SYK: variants seen among roughly 807,000 people sequenced by gnomAD.
SYK encodes tyrosine-protein kinase SYK.
SYK carries 16 observed loss-of-function variants against 77.8 expected under a neutral mutation model. The ratio of observed to expected loss-of-function variants is 0.21; its 90% confidence interval spans 0.14 to 0.31. The LOEUF is 0.31. SYK is among the 10% of genes least tolerant of loss of function. The pLI, the probability that SYK is intolerant of heterozygous loss-of-function variation, is 1.00. For missense variants in SYK, 529 were observed against 814.4 expected, an observed-to-expected ratio of 0.65 and a Z score of 4.26; for synonymous variants, 312 against 308.7, an observed-to-expected ratio of 1.01 and a Z score of -0.11.
chr9:90,885,857 G>A (rs1006457337), intron 11 of SYK, among the ~76,000 whole-genome samples: 1 of 152,154 alleles, frequency 6.6e-6, no homozygotes, highest in South Asian at 2.1e-4. Context: ...CACCTTACAG[G>A]CCAGGAGAGA....
chr9:90,884,604 CAT>C (rs1397690176), intron 11 of SYK, among the ~76,000 whole-genome samples: 1 of 59,076 alleles, frequency 1.7e-5, no homozygotes, highest in Non-Finnish European at 3.1e-5. Flanking sequence ...TGTACATGTA[CAT>C]ATATACACAT....
rs144168552 is a variant in SYK at position 90,874,677 on chromosome 9, C to A, written c.1009C>A (p.Gln337Lys). The A allele has an allele frequency of 1.6e-5, 26 of 1,612,666 alleles. No individual in the cohort carries two copies. The highest frequency in any genetic ancestry group is 2.1e-5 in the Non-Finnish European group (25 of 1,179,246). The change falls in exon 9 of 14, where the codon CAG (glutamine) becomes AAG (lysine). Residue 337 changes from glutamine to lysine, a missense_variant. Around this residue, in one of 2 missense-constraint regions of SYK, gnomAD observed 321 missense variants for 433.1 expected, o/e 0.74. Coordinates refer to ENST00000375754, the MANE Select transcript of SYK (RefSeq NM_003177.7). ...GTTTCTTGACTGCATTGCAGGCCCC[C>A]AGAGAGAAGCCCTACCCATGGACAC... The part of the protein sequence containing the change: ...LAPWAADKGP[Q>K]REALPMDTEV...
At chr9:90,864,863 G>T (rs931645525) in intron 5 of SYK, among the ~76,000 whole-genome samples, 185 bp from the exon 6 acceptor site, 1 of 152,178 alleles carries the variant, frequency 6.6e-6, no homozygotes, top group Non-Finnish European at 1.5e-5. Context: ...TAAAAAAATT[G>T]TAATTTATTT....
intron 1 of SYK, among the ~76,000 whole-genome samples, chr9:90,841,162 G>A (rs1264724371): frequency 6.7e-6 from 1 of 150,362 alleles, no homozygotes; most frequent in Admixed American, 6.6e-5. Context: ...GATGTGGTGT[G>A]GTTTGTGTGT....
intron 1 of SYK, among the ~76,000 whole-genome samples, chr9:90,842,522 G>A (rs976843008): frequency 6.6e-6 from 1 of 151,240 alleles, no homozygotes; most frequent in African/African-American, 2.4e-5. Flanking sequence ...TGTGTGTGAT[G>A]TGTGTTGTGT....
chr9:90,806,864 C>T (rs192454517), intron 1 of SYK, among the ~76,000 whole-genome samples: 1 of 152,066 alleles, frequency 6.6e-6, no homozygotes, highest in East Asian at 1.9e-4. Flanking sequence ...ATATACGACA[C>T]CAACATTTTA....
In SYK at chr9:90,834,861, C is replaced by T. The variant is rs1389935383; in HGVS notation, c.-41-8997C>T. ...CCCAGGGAAGCCAAAAGATTGGACA[C>T]CCCTGGGCTAGAGCAATAAAATGGG... On this transcript the variant is annotated intron_variant, in intron 1 of 13. Transcript: ENST00000375754. 2.0e-5 allele frequency among the ~76,000 whole-genome samples: 3 copies of T among 152,186 alleles called. No individual in the cohort carries two copies. In the South Asian group the frequency reaches 6.2e-4, roughly 32 times the overall value.
At chr9:90,845,746 C>T (rs1826568751) in intron 3 of SYK, 152 bp downstream of exon 3, 2 of 858,366 alleles carry the variant, frequency 2.3e-6, no homozygotes, top group Admixed American at 3.3e-5. Flanking sequence ...GTTCTAAAGA[C>T]ATTTCTAACC....
chr9:90,890,737 G>A (rs1423331377), intron 13 of SYK, among the ~76,000 whole-genome samples: 1 of 152,242 alleles, frequency 6.6e-6, no homozygotes, highest in African/African-American at 2.4e-5. Flanking sequence ...GAAGGTTACA[G>A]TGTTTCTAGT....
At chr9:90,836,327 T>C (rs1356534097) in intron 1 of SYK, among the ~76,000 whole-genome samples, 1 of 151,976 alleles carries the variant, frequency 6.6e-6, no homozygotes, top group Non-Finnish European at 1.5e-5. Context: ...TAAGTGTATA[T>C]TGAATGCACA....
rs939671939 is a variant in SYK at position 90,895,387 on chromosome 9, G to C, written c.1836-141G>C. ...GGTCACCCTGGGGTGGGGGGCACAG[G>C]GACCACGCTGTGAGCTGCAGGCCCT... On this transcript the variant is annotated intron_variant, in intron 13 of 13. Transcript: ENST00000375754. This position sits in a 1 kb window ranked among gnomAD's most constrained non-coding sequence, Gnocchi z 4.4. 19 of 803,712 alleles carry C rather than the reference G, an allele frequency of 2.4e-5. No homozygotes were observed. The highest frequency in any genetic ancestry group is 3.4e-5 in the African/African-American group (2 of 59,498). The allele number at this position is 803,712 out of a possible 1,614,324, so 49.8% of individuals were successfully genotyped here.
chr9:90,850,770 T>TAAAAA (rs556936977), intron 3 of SYK, among the ~76,000 whole-genome samples: 1 of 129,426 alleles, frequency 7.7e-6, no homozygotes, highest in African/African-American at 2.8e-5. Context: ...GACTAAAAGG[T>TAAAAA]AAAAAAAAAA....
chr9:90,879,336 C>T (rs1018805950), intron 11 of SYK, among the ~76,000 whole-genome samples: 22 of 152,200 alleles, frequency 1.4e-4, no homozygotes, highest in Non-Finnish European at 5.9e-5. Flanking sequence ...CATTACGAAT[C>T]TCAGTAGAGG....
chr9:90,830,140 G>A (rs765098744), intron 1 of SYK, among the ~76,000 whole-genome samples: 4 of 152,240 alleles, frequency 2.6e-5, no homozygotes, highest in Non-Finnish European at 5.9e-5. Flanking sequence ...AGTCCCCCAT[G>A]TATGCCTGCA....
chr9:90,815,377 G>A (rs185262477), intron 1 of SYK, among the ~76,000 whole-genome samples: 4 of 152,346 alleles, frequency 2.6e-5, no homozygotes, highest in South Asian at 2.1e-4. Context: ...CTGGCCCCTC[G>A]GCTCCAACCT....
intron 1 of SYK, among the ~76,000 whole-genome samples, chr9:90,840,184 G>A (rs550583469): frequency 5.0e-4 from 76 of 152,144 alleles, no homozygotes; most frequent in Non-Finnish European, 8.4e-4. Flanking sequence ...CTGGGACACC[G>A]CCTGGGCAGG....
At chr9:90,873,493 T>TCC (rs202140865) in intron 7 of SYK, among the ~76,000 whole-genome samples, 2 of 151,604 alleles carry the variant, frequency 1.3e-5, no homozygotes, top group African/African-American at 4.9e-5. Context: ...TGAGTAGATT[T>TCC]CCCCCCCCAG....
rs1320367291 is a variant in SYK at position 90,887,903 on chromosome 9, G to A, written c.1722+14G>A. The A allele has an allele frequency of 1.3e-6, 2 of 1,566,188 alleles. No individual in the cohort carries two copies. Among genetic ancestry groups the A allele is most frequent in the African/African-American group, 1.4e-5 (1 of 72,900 alleles). Reference sequence around the variant, plus strand: ...AAGCCATATCGAGTGAGCCAGTCCTGCTTCATTTTCTCACTGTGGGGCCAT... The same window carrying A: ...AAGCCATATCGAGTGAGCCAGTCCTACTTCATTTTCTCACTGTGGGGCCAT... On this transcript the variant is annotated intron_variant, in intron 12 of 13. Coordinates refer to ENST00000375754, the MANE Select transcript of SYK (RefSeq NM_003177.7).
At chr9:90,839,295 A>G (rs578103676) in intron 1 of SYK, among the ~76,000 whole-genome samples, 77 of 152,302 alleles carry the variant, frequency 5.1e-4, no homozygotes, top group South Asian at 8.3e-4. Context: ...TGCCCAAACC[A>G]TCACCACCAA....
Sources: allele counts gnomAD v4.1 joint callset (sites outside exome capture counted in the v4.1 genomes callset), GRCh38; gene constraint gnomAD v4.1.1; regional missense constraint gnomAD v4.1.1; non-coding constraint Gnocchi (gnomAD v3.1); transcripts MANE v1.5; gene names NCBI Gene and HGNC (gene_info 2026-07-23, HGNC 2026-07-21).